The following NUBP1 variants were observed in gnomAD, a reference collection of about 807,000 sequenced individuals.
NUBP1 encodes the protein cytosolic Fe-S cluster assembly factor NUBP1.
NUBP1 carries 46 observed loss-of-function variants against 41.8 expected under a neutral mutation model. The ratio of observed to expected loss-of-function variants is 1.10; its 90% CI spans 0.87 to 1.41. NUBP1 has a LOEUF of 1.41. Ranked by LOEUF, NUBP1 falls within the 40% of genes most tolerant of loss-of-function variation. NUBP1 has a pLI of 0.00. For synonymous variants in NUBP1, 189 were observed against 154.6 expected (o/e 1.22, Z -1.65); for missense variants, 494 against 414.0 (o/e 1.19, Z -1.68).
chr16:10,765,590 T>C lies in NUBP1; in HGVS notation c.821-2359T>C, dbSNP rs774106319. Among the ~76,000 whole-genome samples the C allele has an allele frequency of 1.6e-4, 24 of 152,226 alleles. No homozygotes were observed. The highest frequency in any genetic ancestry group is 3.4e-4 in the Non-Finnish European group (23 of 68,040). ...AGCCACAGGCCTGCCCTTGCCATTGTCTGACAGATCAGGAAGTGACCTTGG... is the reference window on the plus strand; with the variant it reads ...AGCCACAGGCCTGCCCTTGCCATTGCCTGACAGATCAGGAAGTGACCTTGG... On this transcript the variant is annotated intron_variant, in intron 9 of 10. Coordinates refer to ENST00000283027, the MANE Select transcript of NUBP1 (RefSeq NM_002484.4). This position sits in a 1 kb window ranked among gnomAD's most constrained non-coding sequence, Gnocchi z 4.0.
rs1201764762 is a variant in NUBP1 at position 10,757,921 on chromosome 16, A to G, written c.500A>G (p.Tyr167Cys). Residue 167 changes from tyrosine (Y) to cysteine (C), a missense_variant, in exon 7 of 11, where the codon TAC becomes TGC. Physicochemically the swap from Tyr to Cys is radical, Grantham distance 194 (BLOSUM62 -2). Transcript: ENST00000283027. This position sits in a 1 kb window ranked among gnomAD's most constrained non-coding sequence, Gnocchi z 4.1. The stretch of plus-strand genomic sequence containing the variant: ...GATGTGGACTGGGGAGAGGTCGACT[A>G]CCTCATTGTGGACACCCCACCTGGG... Reference protein sequence around the residue: ...LRDVDWGEVDYLIVDTPPGTS... With the variant: ...LRDVDWGEVDCLIVDTPPGTS... 6.2e-7 allele frequency: 1 copy of G among 1,613,832 alleles called. No homozygotes were observed. Among genetic ancestry groups the G allele is most frequent in the South Asian group, 1.1e-5 (1 of 91,034 alleles).
At position 10,755,758 on chromosome 16, in the gene NUBP1, G is replaced by A; in HGVS notation, c.360+5G>A. On this transcript the variant is annotated splice_donor_5th_base_variant and intron_variant, in intron 5 of 10. Transcript: ENST00000283027. ...GGCTCAGGCTGGTCTCCAGTGGTGA[G>A]TTTTCACCTCTTTGCCCTATTTTCA... is the stretch of plus-strand genomic sequence containing the variant. The A allele has an allele frequency of 1.2e-6, 2 of 1,613,860 alleles. No homozygotes were observed. Among genetic ancestry groups the A allele is most frequent in the Non-Finnish European group, 8.5e-7 (1 of 1,179,748 alleles).
chr16:10,756,795 C>CT lies in NUBP1; in HGVS notation c.451+22dup. The CT allele has an allele frequency of 4.4e-6, 7 of 1,586,578 alleles. No homozygotes were observed. The highest frequency in any genetic ancestry group is 3.5e-5 in the South Asian group (3 of 86,830). Reference sequence around the variant, plus strand: ...CAAGAAAAACGGTTTGCCACTCTGCCTTTTTTTGTCTCTCACATTCTTCCA... The same window carrying CT: ...CAAGAAAAACGGTTTGCCACTCTGCCTTTTTTTTGTCTCTCACATTCTTCCA... On this transcript the variant is annotated intron_variant, in intron 6 of 10. Transcript: ENST00000283027.
intron 3 of NUBP1, among the ~76,000 whole-genome samples, chr16:10,752,287 G>A (rs1238991163): frequency 6.6e-6 from 1 of 152,112 alleles, no homozygotes; most frequent in Non-Finnish European, 1.5e-5. Context: ...CAGGCGCTAG[G>A]TCCCTTTCCC....
chr16:10,766,738 G>A lies in NUBP1; in HGVS notation c.821-1211G>A, dbSNP rs1184457794. The stretch of plus-strand genomic sequence containing the variant: ...CAACTCCACGGTGTGGGAGGAGAAC[G>A]GGCCTGAGAATAGGGGCTCAAAGGC... On this transcript the variant is annotated intron_variant, in intron 9 of 10. Transcript: ENST00000283027. This position sits in a 1 kb window ranked among gnomAD's most constrained non-coding sequence, Gnocchi z 4.8. 7 of 393,384 alleles carry A rather than the reference G, an allele frequency of 1.8e-5. No individual in the cohort carries two copies. Among genetic ancestry groups the A allele is most frequent in the Admixed American group, 1.3e-4 (3 of 22,552 alleles). 24.4% of individuals were successfully genotyped at this position (393,384 alleles called of 1,614,324 possible). A position where few individuals can be genotyped will look rare whatever the true frequency, so the allele number is the denominator to read the frequency against.
intron 9 of NUBP1, among the ~76,000 whole-genome samples, chr16:10,764,356 A>C (rs1177178030): frequency 6.6e-6 from 1 of 151,888 alleles, no homozygotes; most frequent in African/African-American, 2.4e-5. Flanking sequence ...GGAGCATCTC[A>C]GTCTGCTGGA....
In NUBP1 at chr16:10,747,017, G is replaced by C. The variant is rs982384130; in HGVS notation, c.125-126G>C. ...ACCATTGTCTGAGAGGTATTTCAGA[G>C]GATCGTTTTAAACAGCCCCAGGACT... is the stretch of plus-strand genomic sequence containing the variant. On this transcript the variant is annotated intron_variant, in intron 2 of 10. Coordinates refer to ENST00000283027, the MANE Select transcript of NUBP1 (RefSeq NM_002484.4). The C allele has an allele frequency of 1.8e-5, 19 of 1,068,958 alleles. No homozygotes were observed. In the East Asian group the frequency reaches 4.3e-4, roughly 24 times the overall value. 66.2% of individuals were successfully genotyped at this position (1,068,958 alleles called of 1,614,324 possible). A position where few individuals can be genotyped will look rare whatever the true frequency, so the allele number is the denominator to read the frequency against.
Position 10,766,902 on chromosome 16 carries a change from G to T in NUBP1, c.821-1047G>T. 2 of 398,554 alleles carry T rather than the reference G, an allele frequency of 5.0e-6. No homozygotes were observed. The highest frequency in any genetic ancestry group is 8.8e-6 in the Non-Finnish European group (2 of 226,064). The allele number at this position is 398,554 out of a possible 1,614,324, so 24.7% of individuals were successfully genotyped here. ...ACATTTCCTGTTATGGCTCAAGTGC[G>T]AATTGGCCTTATGTTCCCTGCCTCT... On this transcript the variant is annotated intron_variant, in intron 9 of 10. Transcript: ENST00000283027. This position sits in a 1 kb window ranked among gnomAD's most constrained non-coding sequence, Gnocchi z 4.8.
At chr16:10,747,596 G>A (rs1023614321) in intron 3 of NUBP1, among the ~76,000 whole-genome samples, 1 of 152,188 alleles carries the variant, frequency 6.6e-6, no homozygotes, top group African/African-American at 2.4e-5. Context: ...GATTGTACCA[G>A]TGTACTCCAG....
At chr16:10,750,338 G>A (rs774075978) in intron 3 of NUBP1, among the ~76,000 whole-genome samples, 2 of 152,140 alleles carry the variant, frequency 1.3e-5, no homozygotes, top group African/African-American at 2.4e-5. Context: ...TCCACCTCCC[G>A]GGCTCAAGCA....
intron 9 of NUBP1, chr16:10,763,462 C>T (rs1038657102): frequency 1.1e-4 from 16 of 152,274 alleles, no homozygotes; most frequent in African/African-American, 3.6e-4. Flanking sequence ...CTTATTCCCA[C>T]ATCCCACAAT....
intron 5 of NUBP1, 85 bp from the exon 6 acceptor site, chr16:10,756,605 G>A (rs1900573855): frequency 1.0e-6 from 1 of 969,990 alleles, no homozygotes; most frequent in Non-Finnish European, 1.5e-6. Flanking sequence ...TTTTCAGTCA[G>A]AGCTCAAACA....
Position 10,761,450 on chromosome 16 carries a change from T to A in NUBP1, c.693T>A (p.Ser231Arg). 6.2e-7 allele frequency: 1 copy of A among 1,613,930 alleles called. No individual in the cohort carries two copies. The highest frequency in any genetic ancestry group is 1.3e-5 in the African/African-American group (1 of 74,996). The change falls in exon 8 of 11, where the codon AGT (serine) becomes AGA (arginine). Residue 231 changes from serine to arginine, a missense_variant. Transcript: ENST00000283027. ...LPIIGVVENM[S>R]GFICPKCKKE... The stretch of plus-strand genomic sequence containing the variant: ...TCATCGGGGTGGTGGAGAACATGAG[T>A]GGCTTCATCTGTCCTAAGTGCAAGG...
intron 3 of NUBP1, among the ~76,000 whole-genome samples, chr16:10,750,170 C>T (rs1244505859): frequency 6.6e-6 from 1 of 152,180 alleles, no homozygotes; most frequent in East Asian, 1.9e-4. Context: ...TGCACTCCAG[C>T]CTGGGCAACA....
At chr16:10,748,040 TG>T (rs1436589121) in intron 3 of NUBP1, among the ~76,000 whole-genome samples, 1 of 152,180 alleles carries the variant, frequency 6.6e-6, no homozygotes, top group African/African-American at 2.4e-5. Context: ...CTCTACTTCC[TG>T]GGCTCATCAA....
intron 4 of NUBP1, among the ~76,000 whole-genome samples, chr16:10,753,176 G>C (rs531730617): frequency 2.6e-5 from 4 of 152,316 alleles, no homozygotes; most frequent in South Asian, 2.1e-4. Context: ...GTGAGTCTTG[G>C]CGGGGGAGGG....
rs2030804702 is a variant in NUBP1 at position 10,765,916 on chromosome 16, G to A, written c.821-2033G>A. The A allele has an allele frequency of 1.3e-5, 2 of 152,334 alleles. No individual in the cohort carries two copies. The highest frequency in any genetic ancestry group is 6.5e-5 in the Admixed American group (1 of 15,288). The allele number at this position is 152,334 out of a possible 1,614,324, so 9.4% of individuals were successfully genotyped here. A position where few individuals can be genotyped will look rare whatever the true frequency, so the allele number is the denominator to read the frequency against. On this transcript the variant is annotated intron_variant, in intron 9 of 10. Transcript: ENST00000283027. The surrounding 1 kb of genome is among the most constrained non-coding windows in gnomAD (Gnocchi z 4.0). The stretch of plus-strand genomic sequence containing the variant: ...GGGGAAGCCACAGATAGCAAGGCCA[G>A]GGAGTGCCAGAAAGGAAGGGGTGGT...
At chr16:10,754,549 C>T (rs185897914) in intron 4 of NUBP1, among the ~76,000 whole-genome samples, 54 of 151,986 alleles carry the variant, frequency 3.6e-4, no homozygotes, top group African/African-American at 1.2e-3. Context: ...GGCTGGGTGT[C>T]TTTTAATAGA....
At chr16:10,755,781 T>G in intron 5 of NUBP1, 28 bp downstream of exon 5, 1 of 1,611,168 alleles carries the variant, frequency 6.2e-7, no homozygotes, top group Non-Finnish European at 8.5e-7. Context: ...TGCCCTATTT[T>G]CACAGTAGTG....
Sources: allele counts gnomAD v4.1 joint callset (sites outside exome capture counted in the v4.1 genomes callset), GRCh38; gene constraint gnomAD v4.1.1; non-coding constraint Gnocchi (gnomAD v3.1); transcripts MANE v1.5; gene names NCBI Gene and HGNC (gene_info 2026-07-23, HGNC 2026-07-21).